Variants in CNTNAP4 observed in about 807,000 individuals in gnomAD.
CNTNAP4 encodes contactin-associated protein-like 4.
CNTNAP4 carries 98 observed loss-of-function variants against 148.4 expected under a neutral mutation model. That is an observed-to-expected ratio of 0.66 (90% confidence interval 0.56 to 0.78). The LOEUF (loss-of-function observed/expected upper bound fraction) is 0.78, where lower values mean the gene tolerates loss of function less well. Among genes scored for constraint, CNTNAP4 ranks in the 30% least tolerant of loss-of-function variants. CNTNAP4 has a pLI of 0.00. For missense variants in CNTNAP4, 1,935 were observed against 1,565.6 expected (o/e 1.24, Z -3.98); for synonymous variants, 730 against 565.1 (o/e 1.29, Z -4.14).
At chr16:76,318,431 G>C (rs1039905354) in intron 2 of CNTNAP4, among the ~76,000 whole-genome samples, 13 of 151,704 alleles carry the variant, frequency 8.6e-5, no homozygotes, top group Admixed American at 2.0e-4. Context: ...TCATTTCTAT[G>C]GCTCTTGGTA....
At chr16:76,483,050 C>T (rs1342084509) in intron 12 of CNTNAP4, among the ~76,000 whole-genome samples, 2 of 119,204 alleles carry the variant, frequency 1.7e-5, no homozygotes, top group Non-Finnish European at 3.7e-5. Context: ...ATTTTTTTTC[C>T]AGCTTGGATA....
chr16:76,322,295 A>G (rs1962505219), intron 2 of CNTNAP4, among the ~76,000 whole-genome samples: 1 of 152,116 alleles, frequency 6.6e-6, no homozygotes, highest in South Asian at 2.1e-4. Context: ...ATAGGTGTAC[A>G]GCTCTTGATA....
At chr16:76,415,301 C>G (rs1033382097) in intron 3 of CNTNAP4, among the ~76,000 whole-genome samples, 1 of 151,004 alleles carries the variant, frequency 6.6e-6, no homozygotes, top group Non-Finnish European at 1.5e-5. Flanking sequence ...ATTGCATGAC[C>G]TTCTTCAAAG....
chr16:76,334,176 T>TATAATAATAATA (rs56790152), intron 2 of CNTNAP4, among the ~76,000 whole-genome samples: 59 of 149,438 alleles, frequency 3.9e-4, no homozygotes, highest in African/African-American at 1.3e-3. Context: ...AAACTTAAAG[T>TATAATAATAATA]ATAATAATAA....
At chr16:76,416,629 A>G (rs2078993327) in intron 3 of CNTNAP4, among the ~76,000 whole-genome samples, 1 of 151,444 alleles carries the variant, frequency 6.6e-6, no homozygotes, top group Admixed American at 6.6e-5. Flanking sequence ...TATTTTTATA[A>G]ATTTGCAAGA....
chr16:76,452,741 A>C lies in CNTNAP4; in HGVS notation c.1305A>C (p.Pro435=). Residue 435 remains proline (P), a synonymous_variant, in exon 8 of 24, where the codon CCA becomes CCC. Transcript: ENST00000611870. ...DGKLKSNLYQ[P]GKLPSDITAG... is the part of the protein sequence containing the mutation. Reference sequence around the variant, plus strand: ...AACTTAAGTCGAATCTCTACCAGCCAGGAAAATTACCCAGTGACATCACAG... The same window carrying C: ...AACTTAAGTCGAATCTCTACCAGCCCGGAAAATTACCCAGTGACATCACAG... The C allele has an allele frequency of 1.3e-6, 2 of 1,599,572 alleles. No individual in the cohort carries two copies. The highest frequency in any genetic ancestry group is 1.7e-6 in the Non-Finnish European group (2 of 1,172,058).
chr16:76,477,817 G>T (rs66787740), intron 11 of CNTNAP4, among the ~76,000 whole-genome samples: 17,466 of 152,044 alleles, frequency 0.11, 1,159 homozygotes, highest in South Asian at 0.2. Context: ...TGTTTTCATC[G>T]ACTATTCATT....
chr16:76,291,650 C>G (rs1269877840), intron 1 of CNTNAP4, among the ~76,000 whole-genome samples: 1 of 152,204 alleles, frequency 6.6e-6, no homozygotes, highest in East Asian at 1.9e-4. Context: ...ATCAGTAAAT[C>G]TCAGTACACA....
At chr16:76,516,817 A>G (rs931494313) in intron 15 of CNTNAP4, among the ~76,000 whole-genome samples, 4 of 152,196 alleles carry the variant, frequency 2.6e-5, no homozygotes, top group Non-Finnish European at 5.9e-5. Flanking sequence ...TAATCCCAGC[A>G]CTTTGGGAGG....
intron 15 of CNTNAP4, among the ~76,000 whole-genome samples, chr16:76,500,616 TTG>T (rs5818001): frequency 0.78 from 114,572 of 147,736 alleles, 44,472 homozygotes; most frequent in Middle Eastern, 0.84. Flanking sequence ...TTTTTCCAGT[TTG>T]TGTGTGTGTG....
At chr16:76,361,647 C>T (rs915529209) in intron 3 of CNTNAP4, among the ~76,000 whole-genome samples, 1 of 152,136 alleles carries the variant, frequency 6.6e-6, no homozygotes. Flanking sequence ...CTTTGAGATC[C>T]TGATTTCAGT....
At chr16:76,291,819 G>A (rs999701014) in intron 1 of CNTNAP4, among the ~76,000 whole-genome samples, 1 of 152,186 alleles carries the variant, frequency 6.6e-6, no homozygotes, top group Non-Finnish European at 1.5e-5. Context: ...TGCCCTCCAC[G>A]AATTGAGAAC....
intron 9 of CNTNAP4, among the ~76,000 whole-genome samples, chr16:76,464,039 G>T (rs1054165098): frequency 2.6e-5 from 4 of 152,148 alleles, no homozygotes; most frequent in Non-Finnish European, 5.9e-5. Context: ...TACAAGCCCT[G>T]CAAAATCCAG....
At chr16:76,292,928 T>A (rs1263695416) in intron 1 of CNTNAP4, among the ~76,000 whole-genome samples, 1 of 152,168 alleles carries the variant, frequency 6.6e-6, no homozygotes, top group Admixed American at 6.5e-5. Context: ...GGAGAGTGAA[T>A]ATGATTCTGT....
chr16:76,415,723 C>G (rs974144556), intron 3 of CNTNAP4, among the ~76,000 whole-genome samples: 1 of 151,006 alleles, frequency 6.6e-6, no homozygotes, highest in Admixed American at 6.6e-5. Context: ...CTCATCACAC[C>G]CTGACCCTGG....
chr16:76,453,810 T>C (rs1568236537), intron 8 of CNTNAP4, among the ~76,000 whole-genome samples: 1 of 152,170 alleles, frequency 6.6e-6, no homozygotes, highest in Non-Finnish European at 1.5e-5. Context: ...GAACCGAGAA[T>C]TCGATATTAG....
chr16:76,345,414 A>G (rs60730550), intron 2 of CNTNAP4, among the ~76,000 whole-genome samples: 28,499 of 152,172 alleles, frequency 0.19, 3,492 homozygotes, highest in East Asian at 0.49. Context: ...GAAAAATTGC[A>G]CTGAATTGAG....
At chr16:76,517,389 A>G (rs1312378351) in intron 15 of CNTNAP4, among the ~76,000 whole-genome samples, 1 of 152,136 alleles carries the variant, frequency 6.6e-6, no homozygotes, top group African/African-American at 2.4e-5. Flanking sequence ...TTTCTGTGTT[A>G]TTTCTTACAC....
chr16:76,401,129 A>G lies in CNTNAP4; in HGVS notation c.391-26323A>G, dbSNP rs1265464217. 2.0e-5 allele frequency among the ~76,000 whole-genome samples: 3 copies of G among 152,284 alleles called. No homozygotes were observed. In the South Asian group the frequency reaches 6.2e-4, roughly 32 times the overall value. ...ATTGAATCTGTACATTGCTTTGGGC[A>G]GTACGGCCATTTTAATGATAGTGAG... is the stretch of plus-strand genomic sequence containing the variant. On this transcript the variant is annotated intron_variant, in intron 3 of 23. Transcript: ENST00000611870.
Sources: allele counts gnomAD v4.1 joint callset (sites outside exome capture counted in the v4.1 genomes callset), GRCh38; gene constraint gnomAD v4.1.1; transcripts MANE v1.5; gene names NCBI Gene and HGNC (gene_info 2026-07-23, HGNC 2026-07-21).